NBAS: variants seen among roughly 807,000 people sequenced by gnomAD.
The protein encoded by NBAS is NBAS subunit of NRZ tethering complex.
Under a neutral mutation model 302.5 loss-of-function variants are expected in NBAS, and 219 were observed. That is an observed-to-expected ratio of 0.72 (90% CI 0.65 to 0.81). The LOEUF is 0.81. Ranked by LOEUF, NBAS falls within the 30% of genes least tolerant of loss-of-function variation. The probability of loss-of-function intolerance (pLI) is 0.00; values close to 1 mark genes in which losing one functional copy is unlikely to be tolerated. For missense variants in NBAS, 2,932 were observed against 2,841.6 expected, an observed-to-expected ratio of 1.03 and a Z score of -0.72; for synonymous variants, 1,118 against 1,021.6, an observed-to-expected ratio of 1.09 and a Z score of -1.80.
chr2:15,349,348 C>T (rs1016050260), intron 35 of NBAS, among the ~76,000 whole-genome samples: 13 of 152,194 alleles, frequency 8.5e-5, no homozygotes, highest in African/African-American at 2.4e-4. Flanking sequence ...CTGAATCCCA[C>T]AGAGAGAACA....
At chr2:14,975,851 A>G in the NBAS span, among the ~76,000 whole-genome samples, 2 of 152,094 alleles carry the variant, frequency 1.3e-5, no homozygotes, top group South Asian at 4.1e-4. Context: ...ACCCAAAAGA[A>G]GGCTAATTTT....
At chr2:15,468,616 C>CTA in intron 16 of NBAS, 83 bp from the exon 17 acceptor site, 3 of 1,480,588 alleles carry the variant, frequency 2.0e-6, no homozygotes, top group Non-Finnish European at 2.8e-6. Context: ...AATTGTAAAG[C>CTA]TATACCTGAT....
At chr2:15,088,447 A>G in the NBAS span, among the ~76,000 whole-genome samples, 1 of 152,228 alleles carries the variant, frequency 6.6e-6, no homozygotes, top group East Asian at 1.9e-4. Context: ...ATGACCCTTG[A>G]AAGTGGAGAA....
At chr2:14,864,420 T>C in the NBAS span, among the ~76,000 whole-genome samples, 1 of 151,794 alleles carries the variant, frequency 6.6e-6, no homozygotes, top group Non-Finnish European at 1.5e-5. Flanking sequence ...CAGGTAGCCA[T>C]AGGGTAACCA....
At chr2:15,374,563 T>C in intron 31 of NBAS, 45 bp downstream of exon 31, 2 of 1,498,168 alleles carry the variant, frequency 1.3e-6, no homozygotes, top group South Asian at 1.1e-5. Flanking sequence ...AGTAAATTGC[T>C]GCAATATAAG....
At chr2:14,887,128 G>A in the NBAS span, among the ~76,000 whole-genome samples, 1 of 152,178 alleles carries the variant, frequency 6.6e-6, no homozygotes, top group Non-Finnish European at 1.5e-5. Context: ...AGGTGGCCAG[G>A]CATGCTGGCT....
chr2:14,798,641 T>C, the NBAS span, among the ~76,000 whole-genome samples: 1 of 152,138 alleles, frequency 6.6e-6, no homozygotes, highest in Non-Finnish European at 1.5e-5. Flanking sequence ...AACAGTTGCG[T>C]AGAATTGATA....
At chr2:15,125,409 T>C in the NBAS span, among the ~76,000 whole-genome samples, 4 of 152,074 alleles carry the variant, frequency 2.6e-5, no homozygotes, top group Admixed American at 2.6e-4. Context: ...TTTAAATGAC[T>C]AGATCTCACA....
chr2:14,937,209 A>T, the NBAS span, among the ~76,000 whole-genome samples: 1 of 152,212 alleles, frequency 6.6e-6, no homozygotes, highest in Non-Finnish European at 1.5e-5. Flanking sequence ...GGGATATTTG[A>T]TTTGCTATAT....
At chr2:15,259,141 A>G (rs1270077646) in intron 44 of NBAS, among the ~76,000 whole-genome samples, 2 of 152,168 alleles carry the variant, frequency 1.3e-5, no homozygotes, top group Non-Finnish European at 2.9e-5. Flanking sequence ...CTGAATATAG[A>G]TTTTTTAAAA....
At chr2:15,441,609 A>G (rs1394882009) in intron 21 of NBAS, among the ~76,000 whole-genome samples, 1 of 151,774 alleles carries the variant, frequency 6.6e-6, no homozygotes, top group Non-Finnish European at 1.5e-5. Context: ...TAACGAGCAA[A>G]ATAACCAGCT....
At chr2:14,951,456 T>C in the NBAS span, among the ~76,000 whole-genome samples, 6 of 152,074 alleles carry the variant, frequency 3.9e-5, no homozygotes, top group African/African-American at 1.4e-4. Context: ...ATTACCCACG[T>C]CTGGATTATA....
the NBAS span, among the ~76,000 whole-genome samples, chr2:15,137,410 T>TC: frequency 2.6e-5 from 4 of 152,146 alleles, no homozygotes; most frequent in Non-Finnish European, 4.4e-5. Flanking sequence ...ACATTCACCT[T>TC]CCCCAGGTCA....
the NBAS span, among the ~76,000 whole-genome samples, chr2:14,962,971 A>G: frequency 1.3e-5 from 2 of 152,006 alleles, no homozygotes; most frequent in East Asian, 1.9e-4. Flanking sequence ...ACTGTTTTTT[A>G]AAAAATAAAG....
At position 15,532,642 on chromosome 2, in the gene NBAS, T is replaced by C. The variant is rs191304958; in HGVS notation, c.746+1901A>G. ...CAAAGGGAAGTAAATAAACATTGTGTAAAATTGGAATCAAGAAGTACAATG... is the reference window on the plus strand; with the variant it reads ...CAAAGGGAAGTAAATAAACATTGTGCAAAATTGGAATCAAGAAGTACAATG... On this transcript the variant is annotated intron_variant, in intron 9 of 51. Transcript: ENST00000281513. Among the ~76,000 whole-genome samples, 779 of 152,066 alleles carry C rather than the reference T, an allele frequency of 5.1e-3. 3 individuals carry two copies. The highest frequency in any genetic ancestry group is 0.017 in the African/African-American group (692 of 41,528).
the NBAS span, among the ~76,000 whole-genome samples, chr2:14,975,510 A>G: frequency 2.4e-4 from 36 of 152,204 alleles, 1 homozygote; most frequent in Admixed American, 1.4e-3. Context: ...AATTAAAATC[A>G]GTTTTCTGCA....
intron 48 of NBAS, among the ~76,000 whole-genome samples, chr2:15,213,643 T>C (rs1423352283): frequency 6.6e-6 from 1 of 152,204 alleles, no homozygotes; most frequent in Non-Finnish European, 1.5e-5. Flanking sequence ...CTTAAATTGG[T>C]CATGTGACCT....
intron 48 of NBAS, among the ~76,000 whole-genome samples, chr2:15,206,357 A>G (rs1197657196): frequency 6.6e-6 from 1 of 152,162 alleles, no homozygotes; most frequent in African/African-American, 2.4e-5. Flanking sequence ...ATGGTCTGAT[A>G]TTGGAACTTA....
the NBAS span, among the ~76,000 whole-genome samples, chr2:15,132,219 T>C: frequency 2.0e-5 from 3 of 152,136 alleles, no homozygotes; most frequent in African/African-American, 7.2e-5. Flanking sequence ...ATGCGGTACA[T>C]CCAGACAATG....
Sources: allele counts gnomAD v4.1 joint callset (sites outside exome capture counted in the v4.1 genomes callset), GRCh38; gene constraint gnomAD v4.1.1; transcripts MANE v1.5; gene names NCBI Gene and HGNC (gene_info 2026-07-23, HGNC 2026-07-21).